Variants in SOS1 observed in about 807,000 individuals in gnomAD.
The protein encoded by SOS1 is son of sevenless homolog 1.
In SOS1, 25 loss-of-function variants were observed where a neutral mutation model predicts 157.6. That is an observed-to-expected ratio of 0.16 (90% confidence interval 0.12 to 0.22). The LOEUF (loss-of-function observed/expected upper bound fraction) is 0.22. Among genes scored for constraint, SOS1 ranks in the 10% least tolerant of loss-of-function variants. The pLI is 1.00. For missense variants in SOS1, 1,237 were observed against 1,599.1 expected (o/e 0.77, Z 3.86); for synonymous variants, 528 against 534.0 (o/e 0.99, Z 0.16).
intron 1 of SOS1, among the ~76,000 whole-genome samples, chr2:39,083,854 G>A (rs1031223466): frequency 2.0e-5 from 3 of 152,162 alleles, no homozygotes; most frequent in African/African-American, 4.8e-5. Flanking sequence ...TGATTGTTAT[G>A]GGCTGAATAG....
chr2:38,998,815 C>G (rs1276138468), intron 17 of SOS1, among the ~76,000 whole-genome samples: 1 of 152,116 alleles, frequency 6.6e-6, no homozygotes. Flanking sequence ...GAAAAAAGAT[C>G]CTGAGTTCGT....
intron 1 of SOS1, among the ~76,000 whole-genome samples, chr2:39,075,358 G>A (rs1448367315): frequency 6.6e-6 from 1 of 152,144 alleles, no homozygotes; most frequent in African/African-American, 2.4e-5. Flanking sequence ...AGAAATTCAA[G>A]TTTGACATAT....
chr2:38,990,520 G>A (rs991633069), intron 20 of SOS1, among the ~76,000 whole-genome samples: 9 of 152,114 alleles, frequency 5.9e-5, no homozygotes, highest in African/African-American at 1.7e-4. Flanking sequence ...GAGATCTGAC[G>A]TAATAGAGAT....
rs190771794 is a variant in SOS1, at chr2:39,042,435, A to G, written c.865-6935T>C. On this transcript the variant is annotated intron_variant, in intron 6 of 22. Coordinates refer to ENST00000402219, the MANE Select transcript of SOS1 (RefSeq NM_005633.4). The stretch of plus-strand genomic sequence containing the variant: ...TATTTATTTTTTGAGATGGAGTCTC[A>G]CTCTGTCACCCGGGCTGGAGTGCAG... 1.4e-3 allele frequency among the ~76,000 whole-genome samples: 212 copies of G among 151,780 alleles called. 1 individual carries two copies. The highest frequency in any genetic ancestry group is 4.7e-3 in the African/African-American group (194 of 41,376).
intron 6 of SOS1, among the ~76,000 whole-genome samples, chr2:39,044,621 C>G (rs1490394807): frequency 1.3e-5 from 2 of 152,096 alleles, no homozygotes; most frequent in Non-Finnish European, 2.9e-5. Context: ...TGCATAGATC[C>G]ACTTATATGC....
chr2:39,074,982 G>C (rs1216317735), intron 1 of SOS1, among the ~76,000 whole-genome samples: 1 of 152,142 alleles, frequency 6.6e-6, no homozygotes, highest in Non-Finnish European at 1.5e-5. Context: ...GAAGGCGCAG[G>C]TTGTATATCA....
intron 3 of SOS1, among the ~76,000 whole-genome samples, chr2:39,057,100 A>G (rs1270829601): frequency 2.0e-5 from 3 of 152,208 alleles, no homozygotes; most frequent in African/African-American, 7.2e-5. Context: ...AAAATACTTA[A>G]GCGGAGATTA....
In SOS1 at chr2:39,111,048, C is replaced by T. The variant is rs571101659; in HGVS notation, c.87+9288G>A. Among the ~76,000 whole-genome samples, 8 of 152,338 alleles carry T rather than the reference C, an allele frequency of 5.3e-5. No homozygotes were observed. In the South Asian group the frequency reaches 1.7e-3, roughly 32 times the overall value. ...AAGAGTTTGAGACCAGCCTGGCCAA[C>T]ATGGCGAAACCCTGTCTGTAATAAA... On this transcript the variant is annotated intron_variant, in intron 1 of 22. Coordinates refer to ENST00000402219, the MANE Select transcript of SOS1 (RefSeq NM_005633.4).
In SOS1 at chr2:39,113,044, A is replaced by AAAAAG. The variant is rs1286688554; in HGVS notation, c.87+7287_87+7291dup. Among the ~76,000 whole-genome samples the AAAAAG allele has an allele frequency of 1.3e-5, 2 of 152,076 alleles. 1 individual carries two copies. Among genetic ancestry groups the AAAAAG allele is most frequent in the South Asian group, 4.1e-4 (2 of 4,828 alleles). On this transcript the variant is annotated intron_variant, in intron 1 of 22. Transcript: ENST00000402219. Reference sequence around the variant, plus strand: ...AGAGCAAGACTCTGTCTCAAAAAAAAAAAAGAAAAGAAAAGAAAATAGAAG... The same window carrying AAAAAG: ...AGAGCAAGACTCTGTCTCAAAAAAAAAAAAGAAAAGAAAAGAAAAGAAAATAGAAG...
chr2:39,009,131 C>T (rs1669378360), intron 15 of SOS1, among the ~76,000 whole-genome samples: 1 of 151,136 alleles, frequency 6.6e-6, no homozygotes, highest in African/African-American at 2.4e-5. Context: ...CAATGTGCAT[C>T]GAAGAGAGGA....
intron 10 of SOS1, among the ~76,000 whole-genome samples, chr2:39,020,398 ATT>A (rs1235176673): frequency 1.3e-5 from 2 of 151,824 alleles, no homozygotes; most frequent in African/African-American, 4.8e-5. Flanking sequence ...TATTCATTAA[ATT>A]TTCTCATGTA....
At chr2:38,995,102 A>G in intron 20 of SOS1, 21 bp downstream of exon 20, 1 of 1,608,872 alleles carries the variant, frequency 6.2e-7, no homozygotes, top group Non-Finnish European at 8.5e-7. Flanking sequence ...ACCTTAATGC[A>G]CTTAGAATTT....
At chr2:38,994,695 G>A (rs561585588) in intron 20 of SOS1, among the ~76,000 whole-genome samples, 16 of 152,170 alleles carry the variant, frequency 1.1e-4, no homozygotes, top group Non-Finnish European at 1.9e-4. Context: ...AAAGTTTTGG[G>A]TTTTAGAACA....
At chr2:39,102,423 G>A (rs1452310965) in intron 1 of SOS1, among the ~76,000 whole-genome samples, 2 of 141,644 alleles carry the variant, frequency 1.4e-5, no homozygotes, top group Admixed American at 7.7e-5. Flanking sequence ...TACTCAGCTA[G>A]ACTAGGTTGA....
intron 1 of SOS1, among the ~76,000 whole-genome samples, chr2:39,104,892 A>G (rs771108385): frequency 1.3e-5 from 2 of 152,254 alleles, no homozygotes; most frequent in Non-Finnish European, 2.9e-5. Context: ...AGTAGATTAG[A>G]AGTTACTAGG....
At chr2:39,000,262 A>G (rs1669046509) in intron 17 of SOS1, among the ~76,000 whole-genome samples, 1 of 152,252 alleles carries the variant, frequency 6.6e-6, no homozygotes, top group African/African-American at 2.4e-5. Context: ...TGATCACAGC[A>G]GTGGTGTCCA....
At chr2:39,095,549 T>C (rs568390305) in intron 1 of SOS1, among the ~76,000 whole-genome samples, 1 of 152,334 alleles carries the variant, frequency 6.6e-6, no homozygotes, top group East Asian at 1.9e-4. Flanking sequence ...AAGTTTGTGT[T>C]TGAGACACTG....
chr2:39,010,279 G>A (rs1669418485), intron 15 of SOS1, among the ~76,000 whole-genome samples: 1 of 149,528 alleles, frequency 6.7e-6, no homozygotes, highest in Non-Finnish European at 1.5e-5. Context: ...TCACACCACT[G>A]CACTCCAGCC....
chr2:39,020,174 G>C (rs958096461), intron 10 of SOS1, among the ~76,000 whole-genome samples: 3 of 151,496 alleles, frequency 2.0e-5, no homozygotes, highest in Non-Finnish European at 4.4e-5. Flanking sequence ...CTTGGGATTT[G>C]TCTACAAAGT....
Sources: allele counts gnomAD v4.1 joint callset (sites outside exome capture counted in the v4.1 genomes callset), GRCh38; gene constraint gnomAD v4.1.1; transcripts MANE v1.5; gene names NCBI Gene and HGNC (gene_info 2026-07-23, HGNC 2026-07-21).